LCOR: variants seen among roughly 807,000 people sequenced by gnomAD.
LCOR encodes ligand-dependent corepressor.
A neutral mutation model predicts 64.4 loss-of-function variants in LCOR; 14 were observed. The observed-to-expected ratio is 0.22, with a 90% confidence interval of 0.14 to 0.34. The LOEUF is 0.34. LCOR is among the 10% of genes least tolerant of loss of function. The probability of loss-of-function intolerance (pLI) is 1.00; values close to 1 mark genes in which losing one functional copy is unlikely to be tolerated. For missense variants in LCOR, 1,686 were observed against 1,765.3 expected (o/e 0.96, Z 0.80); for synonymous variants, 643 against 642.5 (o/e 1.00, Z -0.01).
rs1848174022 is a variant in LCOR at position 96,989,135 on chromosome 10, A to G, written c.*4001A>G. ...GAGACATGTTATATCGATATGCACT[A>G]CTATCCCCTTAAACTTGAGCAACCT... is the stretch of plus-strand genomic sequence containing the variant. On this transcript the variant is annotated 3_prime_UTR_variant, in exon 8 of 8. Coordinates refer to ENST00000421806, the MANE Select transcript of LCOR (RefSeq NM_001346516.2). 1.3e-5 allele frequency: 2 copies of G among 152,094 alleles called. No homozygotes were observed. Among genetic ancestry groups the G allele is most frequent in the Non-Finnish European group, 1.5e-5 (1 of 68,026 alleles). The allele number at this position is 152,094 out of a possible 1,614,324, so 9.4% of individuals were successfully genotyped here. A position where few individuals can be genotyped will look rare whatever the true frequency, so the allele number is the denominator to read the frequency against.
chr10:96,937,149 GAC>G (rs1378316136), intron 4 of LCOR, among the ~76,000 whole-genome samples: 1 of 152,156 alleles, frequency 6.6e-6, no homozygotes, highest in Non-Finnish European at 1.5e-5. Context: ...GAGACTTGGA[GAC>G]ACAGACACAC....
intron 2 of LCOR, among the ~76,000 whole-genome samples, chr10:96,869,566 TTTC>T (rs1388486833): frequency 6.7e-6 from 1 of 149,086 alleles, no homozygotes; most frequent in African/African-American, 2.5e-5. Context: ...TCATTGGTTC[TTTC>T]TTTTTTTTTT....
At chr10:96,907,209 A>T (rs1020366890) in intron 2 of LCOR, 56 bp from the exon 3 acceptor site, 1 of 562,386 alleles carries the variant, frequency 1.8e-6, no homozygotes, top group Non-Finnish European at 2.3e-6. Context: ...TGCAAAGATT[A>T]TTCAATACTA....
chr10:96,835,438 A>G (rs943019072), intron 2 of LCOR, among the ~76,000 whole-genome samples: 3 of 152,222 alleles, frequency 2.0e-5, no homozygotes, highest in African/African-American at 7.2e-5. Flanking sequence ...TAGTCTCTCA[A>G]CTAAAATCAG....
chr10:96,971,485 G>A (rs756145581), intron 7 of LCOR, among the ~76,000 whole-genome samples: 9 of 152,266 alleles, frequency 5.9e-5, no homozygotes, highest in Middle Eastern at 3.4e-3. Context: ...ACAGTCCATG[G>A]AGAAGACGGT....
chr10:96,861,155 C>T (rs192900355), intron 2 of LCOR, among the ~76,000 whole-genome samples: 88 of 152,158 alleles, frequency 5.8e-4, no homozygotes, highest in African/African-American at 2.1e-3. Flanking sequence ...TTGTTCAGAA[C>T]CTTTGTGGTG....
intron 2 of LCOR, among the ~76,000 whole-genome samples, chr10:96,857,717 G>T (rs1845828808): frequency 6.6e-6 from 1 of 152,148 alleles, no homozygotes; most frequent in Non-Finnish European, 1.5e-5. Flanking sequence ...TACCCTAGAT[G>T]ATCTTGGGCA....
At chr10:96,845,449 C>CATTTTTTT (rs1845611383) in intron 2 of LCOR, among the ~76,000 whole-genome samples, 1 of 48,686 alleles carries the variant, frequency 2.1e-5, no homozygotes, top group Non-Finnish European at 3.7e-5. Flanking sequence ...TGGGCTTATC[C>CATTTTTTT]TTTTTTTTTT....
intron 4 of LCOR, chr10:96,915,836 C>A: frequency 1.9e-6 from 1 of 530,412 alleles, no homozygotes; most frequent in South Asian, 1.6e-5. Flanking sequence ...TGCAGATCTT[C>A]TCTGTGGTTA....
intron 7 of LCOR, chr10:96,962,699 A>G (rs958186340): frequency 1.3e-5 from 2 of 152,168 alleles, no homozygotes; most frequent in Non-Finnish European, 2.9e-5. Flanking sequence ...AGAAACCTTT[A>G]TCTGACTCCC....
chr10:96,836,095 A>C (rs1330095611), intron 2 of LCOR, among the ~76,000 whole-genome samples: 3 of 152,246 alleles, frequency 2.0e-5, no homozygotes, highest in African/African-American at 7.2e-5. Context: ...GGCTAAAAAT[A>C]GGACAGCAGA....
In LCOR at chr10:96,949,153, C is replaced by G. The variant is rs941057433; in HGVS notation, c.96C>G (p.Ser32Arg). ...PSQPNSTKNQ[S>R]LPKASPVTTS... ...AGCCCAATAGCACAAAGAACCAAAG[C>G]CTGCCGAAAGCATCTCCAGTCACCA... is the stretch of plus-strand genomic sequence containing the variant. Residue 32 changes from serine to arginine, a missense_variant, in exon 6 of 8, where the codon AGC (serine) becomes AGG (arginine). This residue lies in a region of LCOR where 80 missense variants were observed against 107.7 expected (regional missense o/e 0.74). Transcript: ENST00000421806. 1 of 1,614,120 alleles carries G rather than the reference C, an allele frequency of 6.2e-7. No individual in the cohort carries two copies. The highest frequency in any genetic ancestry group is 8.5e-7 in the Non-Finnish European group (1 of 1,180,012).
At chr10:96,864,523 C>A (rs1744949512) in intron 2 of LCOR, among the ~76,000 whole-genome samples, 1 of 152,098 alleles carries the variant, frequency 6.6e-6, no homozygotes, top group South Asian at 2.1e-4. Context: ...TTCCTGCTCG[C>A]ATGGCACTTA....
intron 2 of LCOR, among the ~76,000 whole-genome samples, chr10:96,888,203 A>G (rs1054690920): frequency 3.3e-5 from 5 of 150,916 alleles, no homozygotes; most frequent in Non-Finnish European, 7.4e-5. Context: ...TGTCTCTACT[A>G]AAAATACAAA....
intron 4 of LCOR, among the ~76,000 whole-genome samples, chr10:96,931,867 A>G (rs1847266942): frequency 1.3e-5 from 2 of 152,216 alleles, no homozygotes; most frequent in African/African-American, 4.8e-5. Context: ...GAAATCCATT[A>G]AAGTCCACTT....
intron 4 of LCOR, among the ~76,000 whole-genome samples, chr10:96,939,280 T>G (rs1409978355): frequency 6.6e-6 from 1 of 152,216 alleles, no homozygotes; most frequent in Non-Finnish European, 1.5e-5. Flanking sequence ...CAAAAGATGC[T>G]GGAACCAACT....
intron 2 of LCOR, among the ~76,000 whole-genome samples, chr10:96,836,296 GTT>G (rs1364353075): frequency 1.3e-5 from 2 of 151,764 alleles, no homozygotes; most frequent in East Asian, 3.9e-4. Flanking sequence ...TTTATTTAGA[GTT>G]TTTTTTAGAG....
chr10:96,964,826 G>A (rs576943254), intron 7 of LCOR, among the ~76,000 whole-genome samples: 4 of 151,992 alleles, frequency 2.6e-5, no homozygotes, highest in African/African-American at 9.7e-5. Context: ...ACTTAATGCC[G>A]GGATTCCTTG....
At chr10:96,941,291 T>G (rs1306805326) in intron 4 of LCOR, among the ~76,000 whole-genome samples, 1 of 61,134 alleles carries the variant, frequency 1.6e-5, no homozygotes, top group Non-Finnish European at 3.6e-5. Context: ...GGGGGGCTGA[T>G]CCCCCCACCT....
Sources: allele counts gnomAD v4.1 joint callset (sites outside exome capture counted in the v4.1 genomes callset), GRCh38; gene constraint gnomAD v4.1.1; regional missense constraint gnomAD v4.1.1; transcripts MANE v1.5; gene names NCBI Gene and HGNC (gene_info 2026-07-23, HGNC 2026-07-21).